Variants in TMEM45A observed in about 807,000 individuals in gnomAD.
TMEM45A encodes the protein DNA polymerase-transactivated protein 4.
Under a neutral mutation model 32.0 loss-of-function variants are expected in TMEM45A, and 25 were observed. The observed-to-expected ratio is 0.78, with a 90% CI of 0.57 to 1.09. The LOEUF is 1.09. Among genes scored for constraint, TMEM45A ranks in the 50% least tolerant of loss-of-function variants. TMEM45A has a pLI of 0.00. For missense variants in TMEM45A, 302 were observed against 325.0 expected (o/e 0.93, Z 0.54); for synonymous variants, 122 against 114.8 (o/e 1.06, Z -0.40).
rs550067758 is a variant in TMEM45A, at chr3:100,500,388, G to A, written c.-4+7460G>A. Among the ~76,000 whole-genome samples, 10 of 151,878 alleles carry A rather than the reference G, an allele frequency of 6.6e-5. No individual in the cohort carries two copies. The East Asian group carries it at 1.9e-3, about 29-fold the overall frequency. ...AAAGAATGTTCTTTTTCTATAACAC[G>A]TAACAGTGGTATTGGGTTACATTTG... is the stretch of plus-strand genomic sequence containing the variant. On this transcript the variant is annotated intron_variant, in intron 1 of 5. Coordinates refer to ENST00000323523, the MANE Select transcript of TMEM45A (RefSeq NM_018004.3).
chr3:100,503,600 G>A (rs1390060667), intron 1 of TMEM45A, among the ~76,000 whole-genome samples: 2 of 152,238 alleles, frequency 1.3e-5, no homozygotes, highest in Non-Finnish European at 2.9e-5. Flanking sequence ...GAAGCAATGT[G>A]TGTGATGGGA....
At chr3:100,543,631 G>A (rs541481865) in intron 1 of TMEM45A, among the ~76,000 whole-genome samples, 2 of 152,272 alleles carry the variant, frequency 1.3e-5, no homozygotes, top group African/African-American at 4.8e-5. Flanking sequence ...GACAATTAGT[G>A]TTTTGCCTTG....
In TMEM45A at chr3:100,541,870, A is replaced by T. The variant is rs111545772; in HGVS notation, c.-3-13339A>T. 5.5e-3 allele frequency among the ~76,000 whole-genome samples: 839 copies of T among 152,264 alleles called. 9 individuals are homozygous for T. The highest frequency in any genetic ancestry group is 0.019 in the African/African-American group (805 of 41,556). On this transcript the variant is annotated intron_variant, in intron 1 of 5. Coordinates refer to ENST00000323523, the MANE Select transcript of TMEM45A (RefSeq NM_018004.3). ...CTGCATATGGCTAGCCAGCTATCCCAGCACCTTTGTTGAATTGGGAGTCCT... is the reference window on the plus strand; with the variant it reads ...CTGCATATGGCTAGCCAGCTATCCCTGCACCTTTGTTGAATTGGGAGTCCT...
intron 4 of TMEM45A, 137 bp downstream of exon 4, chr3:100,558,726 T>C (rs1706272667): frequency 2.1e-6 from 2 of 932,440 alleles, no homozygotes; most frequent in Non-Finnish European, 3.3e-6. Flanking sequence ...TGAGAAGTGA[T>C]GTTTCTTTGA....
intron 1 of TMEM45A, 59 bp from the exon 2 acceptor site, chr3:100,555,150 T>C (rs766891848): frequency 6.3e-6 from 9 of 1,437,798 alleles, no homozygotes; most frequent in Non-Finnish European, 8.5e-6. Context: ...CAAGTGATGT[T>C]TTGTCCAGAT....
rs375026525 is a variant in TMEM45A at position 100,574,294 on chromosome 3, G to A, written c.735-2631G>A. The A allele has an allele frequency of 2.1e-4, 32 of 152,120 alleles. 1 individual carries two copies. Among genetic ancestry groups the A allele is most frequent in the African/African-American group, 7.7e-4 (32 of 41,516 alleles). 9.4% of individuals were successfully genotyped at this position (152,120 alleles called of 1,614,324 possible). ...GAAAAGAGAGAAGAATCAAATAGAC[G>A]CAATAAAAAATGATAAAGGGGATGT... is the stretch of plus-strand genomic sequence containing the variant. On this transcript the variant is annotated intron_variant, in intron 5 of 5. Coordinates refer to ENST00000323523, the MANE Select transcript of TMEM45A (RefSeq NM_018004.3).
chr3:100,552,264 CAT>C (rs1706122000), intron 1 of TMEM45A, among the ~76,000 whole-genome samples: 1 of 152,090 alleles, frequency 6.6e-6, no homozygotes, highest in African/African-American at 2.4e-5. Flanking sequence ...GAGGTGCCCC[CAT>C]AGTCAGTTGC....
At chr3:100,495,002 C>A (rs79019221) in intron 1 of TMEM45A, among the ~76,000 whole-genome samples, 9,051 of 152,222 alleles carry the variant, frequency 0.059, 920 homozygotes, top group African/African-American at 0.21. Flanking sequence ...GGCCTGTAGT[C>A]CCATAGCATG....
Position 100,515,451 on chromosome 3 carries a change from G to C in TMEM45A, c.-4+22523G>C, listed in dbSNP as rs1337049717. On this transcript the variant is annotated intron_variant, in intron 1 of 5. Coordinates refer to ENST00000323523, the MANE Select transcript of TMEM45A (RefSeq NM_018004.3). ...AATGAGAACACATGGACAGAGGAAG[G>C]GGAACATCACACTCTGGGGACTGTT... Among the ~76,000 whole-genome samples the C allele has an allele frequency of 5.7e-5, 8 of 139,718 alleles. No individual in the cohort carries two copies. The Admixed American group carries it at 6.1e-4, about 11-fold the overall frequency. The allele number at this position is 139,718 out of a possible 152,430, so 91.7% of individuals were successfully genotyped here. A position where few individuals can be genotyped will look rare whatever the true frequency, so the allele number is the denominator to read the frequency against.
intron 1 of TMEM45A, among the ~76,000 whole-genome samples, chr3:100,495,078 C>T (rs1014888264): frequency 2.0e-5 from 3 of 152,154 alleles, no homozygotes; most frequent in South Asian, 2.1e-4. Flanking sequence ...CATCAGTTTC[C>T]CCAGCTGCCA....
intron 1 of TMEM45A, among the ~76,000 whole-genome samples, chr3:100,522,716 TTG>T (rs1705459096): frequency 1.3e-5 from 2 of 152,150 alleles, no homozygotes; most frequent in African/African-American, 4.8e-5. Flanking sequence ...TTAGGGAAAT[TTG>T]TGTTTCCCTC....
At chr3:100,494,829 C>A (rs962137398) in intron 1 of TMEM45A, among the ~76,000 whole-genome samples, 3 of 152,162 alleles carry the variant, frequency 2.0e-5, no homozygotes, top group African/African-American at 7.2e-5. Context: ...ACTCAGCCCC[C>A]CTGTGCCTCA....
rs139422054 is a variant in TMEM45A at position 100,494,493 on chromosome 3, G to A, written c.-4+1565G>A. On this transcript the variant is annotated intron_variant, in intron 1 of 5. Coordinates refer to ENST00000323523, the MANE Select transcript of TMEM45A (RefSeq NM_018004.3). The stretch of plus-strand genomic sequence containing the variant: ...AAAAATTAGCTGGGTGTGGTGGTGC[G>A]CACCTGTAATCCCAGCTACTTGGGA... 4.2e-3 allele frequency among the ~76,000 whole-genome samples: 642 copies of A among 152,080 alleles called. 7 individuals carry two copies. Among genetic ancestry groups the A allele is most frequent in the African/African-American group, 0.014 (600 of 41,482 alleles).
In TMEM45A at chr3:100,521,626, G is replaced by T. The variant is rs193119302; in HGVS notation, c.-4+28698G>T. ...GGAATATGACATTGCCACACCAGCTGCAGCACGTACGCACACACCCTGGGG... is the reference window on the plus strand; with the variant it reads ...GGAATATGACATTGCCACACCAGCTTCAGCACGTACGCACACACCCTGGGG... On this transcript the variant is annotated intron_variant, in intron 1 of 5. Coordinates refer to ENST00000323523, the MANE Select transcript of TMEM45A (RefSeq NM_018004.3). Among the ~76,000 whole-genome samples, 598 of 152,282 alleles carry T rather than the reference G, an allele frequency of 3.9e-3. 3 individuals carry two copies. Among genetic ancestry groups the T allele is most frequent in the African/African-American group, 0.014 (571 of 41,554 alleles).
intron 1 of TMEM45A, among the ~76,000 whole-genome samples, chr3:100,537,618 G>C (rs1705767209): frequency 6.6e-6 from 1 of 152,202 alleles, no homozygotes; most frequent in South Asian, 2.1e-4. Flanking sequence ...AGACAGAAAG[G>C]AGAGAGAAGA....
rs141815205 is a variant in TMEM45A, at chr3:100,555,310, G to A, written c.99G>A (p.Lys33=). ...TKSILKYICK[K]QKRTCYLGSK... ...GTATTCTGAAGTATATCTGCAAAAA[G>A]CAAAAGCGAACCTGCTATCTTGGTT... is the stretch of plus-strand genomic sequence containing the variant. The change falls in exon 2 of 6, where the codon AAG becomes AAA. Residue 33 remains lysine (K), a synonymous_variant. Transcript: ENST00000323523. 1.8e-3 allele frequency: 2,882 copies of A among 1,613,968 alleles called. 11 individuals are homozygous for A. The highest frequency in any genetic ancestry group is 2.8e-3 in the Middle Eastern group (17 of 6,056).
intron 1 of TMEM45A, among the ~76,000 whole-genome samples, chr3:100,520,344 T>C (rs1255871529): frequency 6.6e-6 from 1 of 152,182 alleles, no homozygotes. Context: ...TGTCTTCCTC[T>C]TGTTTATTCA....
At chr3:100,533,406 T>C (rs1705684532) in intron 1 of TMEM45A, among the ~76,000 whole-genome samples, 1 of 152,148 alleles carries the variant, frequency 6.6e-6, no homozygotes, top group African/African-American at 2.4e-5. Context: ...CCTTGATCAC[T>C]ATCAGATGGC....
chr3:100,508,701 T>C (rs1708112732), intron 1 of TMEM45A, among the ~76,000 whole-genome samples: 1 of 151,818 alleles, frequency 6.6e-6, no homozygotes, highest in African/African-American at 2.4e-5. Flanking sequence ...CAAAAACATA[T>C]ATTGGGGAAA....
Sources: gnomAD v4.1 joint callset for allele counts (sites outside exome capture counted in the v4.1 genomes callset) on GRCh38, gnomAD v4.1.1 for gene constraint, MANE v1.5 for transcripts, NCBI Gene and HGNC (gene_info 2026-07-23, HGNC 2026-07-21) for gene names.